Variants in AMD1 observed in about 807,000 individuals in gnomAD.
The protein encoded by AMD1 is S-adenosylmethionine decarboxylase proenzyme.
AMD1 carries 11 observed loss-of-function variants against 40.2 expected under a neutral mutation model. The ratio of observed to expected loss-of-function variants is 0.27; its 90% CI spans 0.17 to 0.45. The LOEUF is 0.45. Among genes scored for constraint, AMD1 ranks in the 20% least tolerant of loss-of-function variants. The pLI is 1.00. For missense variants in AMD1, 257 were observed against 410.2 expected (o/e 0.63, Z 3.23); for synonymous variants, 121 against 130.8 (o/e 0.93, Z 0.51).
the AMD1 span, among the ~76,000 whole-genome samples, chr6:110,847,729 T>TTTTGTTTTTTCATCTCAAAAA: frequency 6.6e-6 from 1 of 151,224 alleles, no homozygotes; most frequent in African/African-American, 2.4e-5. Context: ...TTTGTTTTTT[T>TTTTGTTTTTTCATCTCAAAAA]GAGATGAAGT....
At chr6:110,862,689 T>TGAACACCTGGCCTC in the AMD1 span, among the ~76,000 whole-genome samples, 3,619 of 151,958 alleles carry the variant, frequency 0.024, 128 homozygotes, top group African/African-American at 0.084. Flanking sequence ...AGCCTGGTCT[T>TGAACACCTGGCCTC]GAACACCTGG....
chr6:110,886,874 C>T lies in AMD1; in HGVS notation c.111-631C>T, dbSNP rs184773758. Among the ~76,000 whole-genome samples the T allele has an allele frequency of 2.0e-5, 3 of 152,334 alleles. No individual in the cohort carries two copies. The East Asian group carries it at 5.8e-4, about 29-fold the overall frequency. The stretch of plus-strand genomic sequence containing the variant: ...ATGAACACTTTCCTAATTCTATTCT[C>T]AGGCAAATTAAGACTAGTTTCTTCA... On this transcript the variant is annotated intron_variant, in intron 1 of 8. Coordinates refer to ENST00000368885, the MANE Select transcript of AMD1 (RefSeq NM_001634.6).
intron 1 of AMD1, 117 bp downstream of exon 1, chr6:110,875,332 C>CCGCAGA: frequency 1.2e-6 from 1 of 845,574 alleles, no homozygotes. Context: ...AAGTCTGCGG[C>CCGCAGA]CTGGGGTCGC....
At chr6:110,878,209 A>G (rs1785211371) in intron 1 of AMD1, among the ~76,000 whole-genome samples, 1 of 152,090 alleles carries the variant, frequency 6.6e-6, no homozygotes. Context: ...TCTCATCCCA[A>G]AGTCTGAAAT....
At chr6:110,853,301 G>A in the AMD1 span, among the ~76,000 whole-genome samples, 5 of 142,826 alleles carry the variant, frequency 3.5e-5, no homozygotes, top group South Asian at 1.2e-3. Flanking sequence ...TTTGGGGTTT[G>A]TGGGTTTTTT....
the AMD1 span, among the ~76,000 whole-genome samples, chr6:110,816,742 C>T: frequency 2.6e-5 from 4 of 152,130 alleles, no homozygotes; most frequent in Non-Finnish European, 4.4e-5. Flanking sequence ...TCCACCACTC[C>T]TGGAAGCCCC....
At chr6:110,826,148 C>T in the AMD1 span, among the ~76,000 whole-genome samples, 1 of 137,962 alleles carries the variant, frequency 7.2e-6, no homozygotes. Flanking sequence ...GCCTGGGCAA[C>T]AGAGACCCTG....
the AMD1 span, among the ~76,000 whole-genome samples, chr6:110,847,512 G>A: frequency 3.3e-5 from 5 of 150,462 alleles, no homozygotes; most frequent in African/African-American, 2.4e-5. Flanking sequence ...GTGACAGAGC[G>A]AGACTCCGTC....
the AMD1 span, among the ~76,000 whole-genome samples, chr6:110,865,476 C>A: frequency 6.6e-6 from 1 of 152,220 alleles, no homozygotes; most frequent in Non-Finnish European, 1.5e-5. Flanking sequence ...TCACTGCAAC[C>A]TCCACCTCCC....
At chr6:110,869,837 A>T (rs1784882554), upstream of AMD1, among the ~76,000 whole-genome samples, 1 of 152,158 alleles carries the variant, frequency 6.6e-6, no homozygotes, top group African/African-American at 2.4e-5. Context: ...TTTCTCACTT[A>T]TAATCTCTGA....
At chr6:110,852,376 C>T in the AMD1 span, among the ~76,000 whole-genome samples, 1 of 151,780 alleles carries the variant, frequency 6.6e-6, no homozygotes, top group East Asian at 1.9e-4. Flanking sequence ...CACACGCCAC[C>T]AAGTCCGGCT....
chr6:110,820,240 C>CTTTCT, the AMD1 span, among the ~76,000 whole-genome samples: 19 of 142,004 alleles, frequency 1.3e-4, no homozygotes, highest in African/African-American at 4.4e-4. Flanking sequence ...TTCTTTCTTT[C>CTTTCT]TTTTTTTTTT....
chr6:110,836,547 C>A, the AMD1 span, among the ~76,000 whole-genome samples: 1 of 152,052 alleles, frequency 6.6e-6, no homozygotes, highest in African/African-American at 2.4e-5. Flanking sequence ...CATTTCTGAT[C>A]ATTTATTTTT....
chr6:110,830,434 A>G, the AMD1 span, among the ~76,000 whole-genome samples: 1 of 152,236 alleles, frequency 6.6e-6, no homozygotes, highest in Non-Finnish European at 1.5e-5. Context: ...AAAACAAGGA[A>G]GAAGTACCAA....
chr6:110,894,904 A>G lies in AMD1; in HGVS notation c.*1288A>G, dbSNP rs1786224815. 1 of 152,228 alleles carries G rather than the reference A, an allele frequency of 6.6e-6. No individual in the cohort carries two copies. The highest frequency in any genetic ancestry group is 1.5e-5 in the Non-Finnish European group (1 of 68,044). 9.4% of individuals were successfully genotyped at this position (152,228 alleles called of 1,614,324 possible). On this transcript the variant is annotated 3_prime_UTR_variant, in exon 9 of 9. Coordinates refer to ENST00000368885, the MANE Select transcript of AMD1 (RefSeq NM_001634.6). ...GACTGCCCAGAATGAGAATTTGTCC[A>G]GATTATTCAGATAAACATCATAAAG...
chr6:110,878,899 C>T (rs1003348213), intron 1 of AMD1, among the ~76,000 whole-genome samples: 1 of 152,164 alleles, frequency 6.6e-6, no homozygotes, highest in South Asian at 2.1e-4. Flanking sequence ...TTTCCCCAAA[C>T]TCATGACTTA....
the AMD1 span, among the ~76,000 whole-genome samples, chr6:110,831,493 C>A: frequency 2.0e-5 from 3 of 151,886 alleles, no homozygotes; most frequent in Non-Finnish European, 4.4e-5. Flanking sequence ...CAGGGTCTCA[C>A]TATGTTGCCC....
At chr6:110,829,235 G>GA in the AMD1 span, among the ~76,000 whole-genome samples, 1 of 151,524 alleles carries the variant, frequency 6.6e-6, no homozygotes, top group African/African-American at 2.4e-5. Flanking sequence ...AATCCTAAGT[G>GA]AAAAATGAAT....
the AMD1 span, among the ~76,000 whole-genome samples, chr6:110,824,476 T>C: frequency 6.6e-6 from 1 of 152,156 alleles, no homozygotes; most frequent in Non-Finnish European, 1.5e-5. Context: ...GTACAATGCA[T>C]ACTACTTGAG....
Sources: allele counts gnomAD v4.1 joint callset (sites outside exome capture counted in the v4.1 genomes callset), GRCh38; gene constraint gnomAD v4.1.1; transcripts MANE v1.5; gene names NCBI Gene and HGNC (gene_info 2026-07-23, HGNC 2026-07-21).